Variants in MCPH1 observed in about 807,000 individuals in gnomAD.
MCPH1 encodes microcephalin.
A neutral mutation model predicts 84.5 loss-of-function variants in MCPH1; 104 were observed. The observed-to-expected ratio is 1.23, with a 90% CI of 1.05 to 1.45. The LOEUF is 1.45. MCPH1 is among the 40% of genes most tolerant of loss of function. MCPH1 has a pLI of 0.00. For missense variants in MCPH1, 1,498 were observed against 1,005.7 expected (o/e 1.49, Z -6.62); for synonymous variants, 514 against 366.8 (o/e 1.40, Z -4.58).
intron 12 of MCPH1, among the ~76,000 whole-genome samples, chr8:6,589,744 C>T (rs894134095): frequency 9.9e-5 from 15 of 152,184 alleles, no homozygotes; most frequent in African/African-American, 3.6e-4. Flanking sequence ...CGTGCTGCAA[C>T]CAAATACATT....
At chr8:6,592,614 C>CTTTTTTTTTTTTTTTTTTTTTT (rs1252024553) in intron 12 of MCPH1, among the ~76,000 whole-genome samples, 35 of 65,496 alleles carry the variant, frequency 5.3e-4, no homozygotes, top group Non-Finnish European at 8.2e-4. Context: ...GTTTTTCTTT[C>CTTTTTTTTTTTTTTTTTTTTTT]TTTTTTTTGT....
chr8:6,480,874 T>G lies in MCPH1; in HGVS notation c.2134T>G (p.Trp712Gly), dbSNP rs753362195. The G allele has an allele frequency of 6.2e-7, 1 of 1,613,970 alleles. No individual in the cohort carries two copies. Among genetic ancestry groups the G allele is most frequent in the East Asian group, 2.2e-5 (1 of 44,880 alleles). ...ARGCWVLSYD[W>G]VLWSLELGHW... Reference sequence around the variant, plus strand: ...TGGCTGCTGGGTTCTCTCTTATGATTGGGTAAGCCCTGTGTGTGAACTGCG... The same window carrying G: ...TGGCTGCTGGGTTCTCTCTTATGATGGGGTAAGCCCTGTGTGTGAACTGCG... The change falls in exon 11 of 14, where the codon TGG becomes GGG. Residue 712 changes from tryptophan to glycine, a missense_variant and splice_region_variant. Trp to Gly is a radical substitution (Grantham distance 184). Coordinates refer to ENST00000344683, the MANE Select transcript of MCPH1 (RefSeq NM_024596.5).
chr8:6,506,825 A>T (rs1439972859), intron 12 of MCPH1, among the ~76,000 whole-genome samples: 1 of 151,384 alleles, frequency 6.6e-6, no homozygotes, highest in East Asian at 1.9e-4. Context: ...CATAAAAGGC[A>T]TGAAATTTAA....
Position 6,590,470 on chromosome 8 carries a change from G to C in MCPH1, c.2215-30984G>C, listed in dbSNP as rs1289247925. Among the ~76,000 whole-genome samples the C allele has an allele frequency of 2.0e-5, 3 of 152,084 alleles. No homozygotes were observed. In the East Asian group the frequency reaches 5.8e-4, roughly 29 times the overall value. ...CCTGGGTGGGAAGCTGAGGAGGTTGGCAGTTTCTCAAACTCATGTCAGATG... is the reference window on the plus strand; with the variant it reads ...CCTGGGTGGGAAGCTGAGGAGGTTGCCAGTTTCTCAAACTCATGTCAGATG... On this transcript the variant is annotated intron_variant, in intron 12 of 13. Transcript: ENST00000344683.
chr8:6,586,466 C>G (rs942904442), intron 12 of MCPH1, among the ~76,000 whole-genome samples: 14 of 152,326 alleles, frequency 9.2e-5, no homozygotes, highest in African/African-American at 3.4e-4. Context: ...AAGGTGCTTG[C>G]TGATGCAGCC....
intron 12 of MCPH1, among the ~76,000 whole-genome samples, chr8:6,604,979 T>C (rs1829647461): frequency 6.6e-6 from 1 of 152,050 alleles, no homozygotes; most frequent in Non-Finnish European, 1.5e-5. Context: ...AATTAGGAAA[T>C]TGTTCGGTGC....
intron 3 of MCPH1, among the ~76,000 whole-genome samples, chr8:6,426,518 G>A (rs1168994364): frequency 6.6e-6 from 1 of 152,206 alleles, no homozygotes; most frequent in Non-Finnish European, 1.5e-5. Flanking sequence ...TGTAGCAGTG[G>A]TTTCACTTCC....
intron 8 of MCPH1, chr8:6,446,819 C>G (rs1254523745): frequency 2.2e-5 from 22 of 985,282 alleles, no homozygotes; most frequent in Non-Finnish European, 2.7e-5. Flanking sequence ...CCTAAAATCC[C>G]CGTGTTGCTG....
At chr8:6,638,525 T>G (rs1017273774) in intron 13 of MCPH1, among the ~76,000 whole-genome samples, 22 of 152,098 alleles carry the variant, frequency 1.4e-4, no homozygotes, top group Non-Finnish European at 3.1e-4. Context: ...CTAGTAAACT[T>G]TAGCTTGTGC....
chr8:6,415,692 G>A (rs1161976946), intron 3 of MCPH1, among the ~76,000 whole-genome samples: 1 of 152,102 alleles, frequency 6.6e-6, no homozygotes, highest in African/African-American at 2.4e-5. Context: ...AGTAAGTTTT[G>A]AAATTGGGAA....
chr8:6,429,829 C>T (rs1801583125), intron 3 of MCPH1, among the ~76,000 whole-genome samples: 1 of 152,164 alleles, frequency 6.6e-6, no homozygotes, highest in Admixed American at 6.5e-5. Flanking sequence ...GCCTCCTCCT[C>T]CTGGACCAGT....
chr8:6,540,793 C>T (rs1288398830), intron 12 of MCPH1, among the ~76,000 whole-genome samples: 4 of 152,258 alleles, frequency 2.6e-5, no homozygotes, highest in Admixed American at 6.5e-5. Flanking sequence ...GGTCCCAGAG[C>T]GCAGCCATGC....
In MCPH1 at chr8:6,505,294, C is replaced by A. The variant is rs866541386; in HGVS notation, c.2214+5365C>A. On this transcript the variant is annotated intron_variant, in intron 12 of 13. Transcript: ENST00000344683. ...TATGTATACATATATATGTTATATA[C>A]ATATATATGTATATAACATATATAT... is the stretch of plus-strand genomic sequence containing the variant. Among the ~76,000 whole-genome samples the A allele has an allele frequency of 6.2e-4, 23 of 36,818 alleles. 1 individual carries two copies. Among genetic ancestry groups the A allele is most frequent in the East Asian group, 2.3e-3 (3 of 1,292 alleles). The allele number at this position is 36,818 out of a possible 152,430, so 24.2% of individuals were successfully genotyped here.
intron 11 of MCPH1, among the ~76,000 whole-genome samples, chr8:6,496,420 G>GT (rs1420178730): frequency 4.6e-5 from 7 of 152,118 alleles, no homozygotes; most frequent in African/African-American, 1.7e-4. Context: ...GTGTGGCCCC[G>GT]TTCCTAATAG....
At chr8:6,455,055 A>G (rs1805524072) in intron 8 of MCPH1, 88 bp from the exon 9 acceptor site, 2 of 954,062 alleles carry the variant, frequency 2.1e-6, no homozygotes, top group African/African-American at 1.6e-5. Flanking sequence ...TCCTGTTTCC[A>G]TTATGCATAA....
chr8:6,513,618 C>A lies in MCPH1; in HGVS notation c.2214+13689C>A. 4 of 1,489,508 alleles carry A rather than the reference C, an allele frequency of 2.7e-6. No homozygotes were observed. In the South Asian group the frequency reaches 5.2e-5, roughly 19 times the overall value. The allele number at this position is 1,489,508 out of a possible 1,614,324, so 92.3% of individuals were successfully genotyped here. A position where few individuals can be genotyped will look rare whatever the true frequency, so the allele number is the denominator to read the frequency against. On this transcript the variant is annotated intron_variant, in intron 12 of 13. Coordinates refer to ENST00000344683, the MANE Select transcript of MCPH1 (RefSeq NM_024596.5). ...AAAGTGCTGGGATTACAGGCGTGAG[C>A]CACCGTGCCCGGCCACAAATCTTTT...
chr8:6,621,048 T>C (rs1476128229), intron 12 of MCPH1: 2 of 303,848 alleles, frequency 6.6e-6, no homozygotes, highest in South Asian at 3.2e-5. Context: ...TGAATGACGC[T>C]CTCCCAGCAC....
chr8:6,438,961 G>A lies in MCPH1; in HGVS notation c.445G>A (p.Val149Ile), dbSNP rs201403389. The change falls in exon 6 of 14, where the codon GTA (valine) becomes ATA (isoleucine). Residue 149 changes from valine to isoleucine, a missense_variant. Val to Ile is a conservative substitution (Grantham distance 29). Transcript: ENST00000344683. ...QRQKTNLDDD[V>I]PILLFESNGS... is the part of the protein sequence containing the mutation. ...TTTTTGTTTATTTTCAGATGATGAT[G>A]TACCTATTCTCTTATTTGAATCTAA... 8.5e-5 allele frequency: 137 copies of A among 1,611,782 alleles called. No individual in the cohort carries two copies. In the East Asian group the frequency reaches 2.7e-3, roughly 31 times the overall value.
chr8:6,495,839 T>G (rs1277580400), intron 11 of MCPH1, among the ~76,000 whole-genome samples: 1 of 152,224 alleles, frequency 6.6e-6, no homozygotes, highest in Non-Finnish European at 1.5e-5. Context: ...ACTTTTGAAC[T>G]GTTTGAAATC....
Sources: gnomAD v4.1 joint callset for allele counts (sites outside exome capture counted in the v4.1 genomes callset) on GRCh38, gnomAD v4.1.1 for gene constraint, MANE v1.5 for transcripts, NCBI Gene and HGNC (gene_info 2026-07-23, HGNC 2026-07-21) for gene names.